SH2D3A: variants seen among roughly 807,000 people sequenced by gnomAD.
SH2D3A encodes the protein SH2 domain containing 3A.
In SH2D3A, 46 loss-of-function variants were observed where a neutral mutation model predicts 50.6. That is an observed-to-expected ratio of 0.91 (90% CI 0.72 to 1.16). SH2D3A has a LOEUF of 1.16. SH2D3A is among the 50% of genes most tolerant of loss of function. The pLI, the probability that SH2D3A is intolerant of heterozygous loss-of-function variation, is 0.00. For missense variants in SH2D3A, 783 were observed against 786.2 expected (o/e 1.00, Z 0.05); for synonymous variants, 377 against 348.4 (o/e 1.08, Z -0.91).
chr19:6,759,375 A>C, intron 4 of SH2D3A: 1 of 426,190 alleles, frequency 2.3e-6, no homozygotes, highest in East Asian at 5.1e-5. Flanking sequence ...GGCCTCCCAA[A>C]GTGCTGGGAT....
At chr19:6,762,652 A>T (rs1188299482) in intron 2 of SH2D3A, among the ~76,000 whole-genome samples, 1 of 148,526 alleles carries the variant, frequency 6.7e-6, no homozygotes, top group Non-Finnish European at 1.5e-5. Context: ...GACAACAGGT[A>T]CATGCCACCC....
At chr19:6,758,021 CTGTT>C (rs1343708322) in intron 4 of SH2D3A, 1 of 152,100 alleles carries the variant, frequency 6.6e-6, no homozygotes, top group East Asian at 1.9e-4. Context: ...CTCCCTTACT[CTGTT>C]TTTTTTGTTT....
intron 3 of SH2D3A, 49 bp downstream of exon 3, chr19:6,760,589 A>T (rs1969954900): frequency 7.0e-7 from 1 of 1,436,098 alleles, no homozygotes; most frequent in African/African-American, 1.4e-5. Context: ...GAGTTGGAAA[A>T]CCCTGCGAGT....
At chr19:6,766,976 C>T (rs1247391116) in intron 1 of SH2D3A, among the ~76,000 whole-genome samples, 1 of 152,110 alleles carries the variant, frequency 6.6e-6, no homozygotes, top group Non-Finnish European at 1.5e-5. Flanking sequence ...TTTACATCAT[C>T]AAGGCGGCTG....
intron 2 of SH2D3A, among the ~76,000 whole-genome samples, chr19:6,761,375 C>G (rs1970011279): frequency 1.3e-5 from 2 of 152,202 alleles, no homozygotes; most frequent in South Asian, 4.1e-4. Context: ...GCACTTGGCT[C>G]CCAACTGATT....
chr19:6,754,143 C>G lies in SH2D3A; in HGVS notation c.1293G>C (p.Thr431=), dbSNP rs771694820. 1.7e-5 allele frequency: 28 copies of G among 1,613,248 alleles called. No individual in the cohort carries two copies. In the Admixed American group the frequency reaches 4.7e-4, roughly 27 times the overall value. ...LMPQVSRLEH[T]WRQLRRSHTE... is the part of the protein sequence containing the mutation. ...TGTGGCTCCTTCGGAGCTGGCGCCA[C>G]GTGTGCTCCAACCGGGACACCTGGG... Residue 431 remains threonine (T), a synonymous_variant, in exon 8 of 10, where the codon ACG becomes ACC. Transcript: ENST00000245908.
At chr19:6,761,593 C>T (rs1335663260) in intron 2 of SH2D3A, among the ~76,000 whole-genome samples, 1 of 152,100 alleles carries the variant, frequency 6.6e-6, no homozygotes, top group Non-Finnish European at 1.5e-5. Flanking sequence ...CAGATTGGGG[C>T]CCCCTCTTTT....
intron 4 of SH2D3A, 122 bp from the exon 5 acceptor site, chr19:6,755,437 A>G: frequency 1.6e-6 from 1 of 616,184 alleles, no homozygotes; most frequent in Non-Finnish European, 2.7e-6. Context: ...AATGGGGTAT[A>G]ACAACCTATC....
At position 6,754,939 on chromosome 19, in the gene SH2D3A, G is replaced by T. The variant is rs199665129; in HGVS notation, c.873C>A (p.Gly291=). The T allele has an allele frequency of 2.5e-6, 4 of 1,613,454 alleles. No individual in the cohort carries two copies. The African/African-American group carries it at 5.3e-5, about 22-fold the overall frequency. The change falls in exon 5 of 10, where the codon GGC becomes GGA. Residue 291 remains glycine, a synonymous_variant. Coordinates refer to ENST00000245908, the MANE Select transcript of SH2D3A (RefSeq NM_005490.3). ...GGGGTTCCAGGGGCCGATTCTGGGG[G>T]CCCAGCAGGCAGGAGGGGGCATCAT... ...CPHDAPSCLL[G]PQNRPLEPQV... is the part of the protein sequence containing the mutation.
chr19:6,752,989 C>T, intron 9 of SH2D3A: 11 of 985,314 alleles, frequency 1.1e-5, no homozygotes, highest in Non-Finnish European at 1.3e-5. Flanking sequence ...GTGGCCTGTT[C>T]CAGGTGCCAG....
rs754888559 is a variant in SH2D3A at position 6,754,411 on chromosome 19, G to A, written c.1112C>T (p.Ala371Val). Residue 371 changes from alanine (A) to valine (V), a missense_variant, in exon 7 of 10, where the codon GCG becomes GTG. Transcript: ENST00000245908. ...CAGCACCGCCAGCGCCCCGGCCAGCGCCAGTGTCTGATGCCTGCAGAGGTG... is the reference window on the plus strand; with the variant it reads ...CAGCACCGCCAGCGCCCCGGCCAGCACCAGTGTCTGATGCCTGCAGAGGTG... ...LELLERHQTLALAGALAVLGC... is the reference protein window; with the variant it reads ...LELLERHQTLVLAGALAVLGC... 3.3e-6 allele frequency: 5 copies of A among 1,524,390 alleles called. No individual in the cohort carries two copies. The highest frequency in any genetic ancestry group is 2.1e-5 in the Admixed American group (1 of 48,128). The allele number at this position is 1,524,390 out of a possible 1,614,324, so 94.4% of individuals were successfully genotyped here. A position where few individuals can be genotyped will look rare whatever the true frequency, so the allele number is the denominator to read the frequency against.
rs548598782 is a variant in SH2D3A at position 6,760,976 on chromosome 19, A to G, written c.81T>C (p.Ala27=). 6 of 1,609,392 alleles carry G rather than the reference A, an allele frequency of 3.7e-6. No individual in the cohort carries two copies. In the East Asian group the frequency reaches 1.3e-4, roughly 36 times the overall value. ...HGLLSRQKAE[A]LLQQNGDFLV... is the part of the protein sequence containing the mutation. Reference sequence around the variant, plus strand: ...GGAAGTCGCCATTTTGCTGAAGAAGAGCTTCAGCCTTCTGTGGATGAAGTT... The same window carrying G: ...GGAAGTCGCCATTTTGCTGAAGAAGGGCTTCAGCCTTCTGTGGATGAAGTT... The change falls in exon 3 of 10, where the codon GCT becomes GCC. Residue 27 remains alanine (A), a synonymous_variant. Transcript: ENST00000245908.
rs192678279 is a variant in SH2D3A, at chr19:6,756,638, A to C, written c.497-1323T>G. 2.6e-5 allele frequency among the ~76,000 whole-genome samples: 4 copies of C among 152,212 alleles called. No homozygotes were observed. The East Asian group carries it at 7.7e-4, about 29-fold the overall frequency. On this transcript the variant is annotated intron_variant, in intron 4 of 9. Transcript: ENST00000245908. ...GACTATTAGTACTTAAAACTGTACT[A>C]AGACTTTTGGGAGACTGTATTTACC... is the stretch of plus-strand genomic sequence containing the variant.
At chr19:6,765,948 A>G (rs1473693662) in intron 1 of SH2D3A, among the ~76,000 whole-genome samples, 1 of 152,160 alleles carries the variant, frequency 6.6e-6, no homozygotes, top group Non-Finnish European at 1.5e-5. Flanking sequence ...CCTCAGGGCC[A>G]GTGTGTCTCA....
At position 6,753,552 on chromosome 19, in the gene SH2D3A, C is replaced by G. The variant is rs774716402; in HGVS notation, c.1474G>C (p.Glu492Gln). The part of the protein sequence containing the change: ...EGEEVAGPLD[E>Q]SCERLLRTLH... Reference sequence around the variant, plus strand: ...GTGCGCAACAGCCGCTCACAGCTCTCGTCCAGCGGCCCCGCGACTTCCTCG... The same window carrying G: ...GTGCGCAACAGCCGCTCACAGCTCTGGTCCAGCGGCCCCGCGACTTCCTCG... The change falls in exon 9 of 10, where the codon GAG (glutamate) becomes CAG (glutamine). Residue 492 changes from glutamate to glutamine, a missense_variant. Transcript: ENST00000245908. 18 of 1,572,198 alleles carry G rather than the reference C, an allele frequency of 1.1e-5. No homozygotes were observed. The highest frequency in any genetic ancestry group is 1.6e-5 in the Non-Finnish European group (18 of 1,159,670).
Position 6,754,609 on chromosome 19 carries a change from G to A in SH2D3A, c.1097+7C>T, listed in dbSNP as rs191030189. The A allele has an allele frequency of 1.4e-5, 22 of 1,614,178 alleles. No homozygotes were observed. The African/African-American group carries it at 2.8e-4, about 21-fold the overall frequency. ...CCCCCAACCAAGATTACAAGCTGCT[G>A]GCTCACCTCTCCAGCAGTTCCAACC... On this transcript the variant is annotated splice_region_variant and intron_variant, in intron 6 of 9. Transcript: ENST00000245908.
intron 1 of SH2D3A, among the ~76,000 whole-genome samples, chr19:6,765,942 A>G (rs1970283953): frequency 6.6e-6 from 1 of 152,144 alleles, no homozygotes; most frequent in Non-Finnish European, 1.5e-5. Flanking sequence ...CACAGGCCTC[A>G]GGGCCAGTGT....
rs761800891 is a variant in SH2D3A at position 6,753,465 on chromosome 19, G to T, written c.1561C>A (p.Arg521Ser). The T allele has an allele frequency of 1.3e-6, 2 of 1,511,032 alleles. No homozygotes were observed. The highest frequency in any genetic ancestry group is 2.5e-5 in the East Asian group (1 of 39,930). 93.6% of individuals were successfully genotyped at this position (1,511,032 alleles called of 1,614,324 possible). Residue 521 changes from arginine to serine, a missense_variant, in exon 9 of 10, where the codon CGC becomes AGC. Physicochemically the swap from Arg to Ser is moderately radical, Grantham distance 110. Coordinates refer to ENST00000245908, the MANE Select transcript of SH2D3A (RefSeq NM_005490.3). Reference sequence around the variant, plus strand: ...CAGAGGGAACGCTCACCTCGCAGGCGCTGGGCTGCCACCTTGCGGAATTTG... The same window carrying T: ...CAGAGGGAACGCTCACCTCGCAGGCTCTGGGCTGCCACCTTGCGGAATTTG... ...APKFRKVAAQRLRGFRPNPEL... is the reference protein window; with the variant it reads ...APKFRKVAAQSLRGFRPNPEL...
intron 9 of SH2D3A, 78 bp downstream of exon 9, chr19:6,753,378 C>G: frequency 7.1e-7 from 1 of 1,405,224 alleles, no homozygotes; most frequent in South Asian, 1.6e-5. Flanking sequence ...CCTCCTGGGA[C>G]AGGCTGGGTT....
Sources: gnomAD v4.1 joint callset for allele counts (sites outside exome capture counted in the v4.1 genomes callset) on GRCh38, gnomAD v4.1.1 for gene constraint, MANE v1.5 for transcripts, NCBI Gene and HGNC (gene_info 2026-07-23, HGNC 2026-07-21) for gene names.